The following TNFRSF11A variants were observed in gnomAD, a reference collection of about 807,000 sequenced individuals.
The protein encoded by TNFRSF11A is tumor necrosis factor receptor superfamily member 11A.
In TNFRSF11A, 32 loss-of-function variants were observed where a neutral mutation model predicts 55.7. That is an observed-to-expected ratio of 0.57 (90% CI 0.43 to 0.77). The LOEUF is 0.77. Among genes scored for constraint, TNFRSF11A ranks in the 30% least tolerant of loss-of-function variants. The probability of loss-of-function intolerance (pLI) is 0.00; values close to 1 mark genes in which losing one functional copy is unlikely to be tolerated. For synonymous variants in TNFRSF11A, 311 were observed against 331.0 expected, an observed-to-expected ratio of 0.94 and a Z score of 0.65; for missense variants, 753 against 809.8, an observed-to-expected ratio of 0.93 and a Z score of 0.85.
chr18:62,361,044 G>A (rs1909648796), intron 6 of TNFRSF11A, among the ~76,000 whole-genome samples: 1 of 152,132 alleles, frequency 6.6e-6, no homozygotes, highest in South Asian at 2.1e-4. Context: ...AGACCATTTG[G>A]CAGATAACAT....
At chr18:62,333,989 C>T (rs969541160) in intron 1 of TNFRSF11A, among the ~76,000 whole-genome samples, 1 of 152,174 alleles carries the variant, frequency 6.6e-6, no homozygotes, top group Non-Finnish European at 1.5e-5. Flanking sequence ...CCTCAGCCTC[C>T]CGAGTAGCTG....
At chr18:62,369,777 A>G (rs982485235) in intron 9 of TNFRSF11A, among the ~76,000 whole-genome samples, 3 of 152,220 alleles carry the variant, frequency 2.0e-5, no homozygotes, top group Admixed American at 6.5e-5. Flanking sequence ...TTAGACCTCA[A>G]GCCCCAGCAC....
At chr18:62,359,910 A>G (rs750313876) in intron 5 of TNFRSF11A, 45 bp from the exon 6 acceptor site, 9 of 1,556,526 alleles carry the variant, frequency 5.8e-6, no homozygotes, top group Non-Finnish European at 8.9e-7. Flanking sequence ...TTTTTAAAAA[A>G]CAAGCTTATA....
chr18:62,377,307 G>C (rs1172107289), intron 9 of TNFRSF11A, among the ~76,000 whole-genome samples: 1 of 152,222 alleles, frequency 6.6e-6, no homozygotes, highest in African/African-American at 2.4e-5. Context: ...ACTCTTGGCT[G>C]CTTCCAAGTT....
At chr18:62,356,061 T>A (rs1473540887) in intron 4 of TNFRSF11A, among the ~76,000 whole-genome samples, 1 of 152,258 alleles carries the variant, frequency 6.6e-6, no homozygotes, top group Non-Finnish European at 1.5e-5. Flanking sequence ...ATAGAAATCC[T>A]TTTGAGTTGA....
chr18:62,378,162 C>G (rs1031502445), intron 9 of TNFRSF11A: 2 of 152,246 alleles, frequency 1.3e-5, no homozygotes, highest in African/African-American at 4.8e-5. Flanking sequence ...AACAACTAAT[C>G]TGTTCTGCAA....
chr18:62,356,608 A>G (rs1486561834), intron 4 of TNFRSF11A, among the ~76,000 whole-genome samples: 2 of 152,230 alleles, frequency 1.3e-5, no homozygotes, highest in African/African-American at 2.4e-5. Context: ...CATAATTTCA[A>G]TTCAGAACAA....
chr18:62,369,154 T>C lies in TNFRSF11A; in HGVS notation c.1237T>C (p.Trp413Arg), dbSNP rs746789543. ...CACTGAGCCCCTGTGCAGGACTGAT[T>C]GGACTCCCATGTCCTCTGAAAACTA... Reference protein sequence around the residue: ...NCTEPLCRTDWTPMSSENYLQ... With the variant: ...NCTEPLCRTDRTPMSSENYLQ... The change falls in exon 9 of 10, where the codon TGG (tryptophan) becomes CGG (arginine). Residue 413 changes from tryptophan to arginine, a missense_variant. This residue lies in a region of TNFRSF11A where 567 missense variants were observed against 596.7 expected (regional missense o/e 0.95). Transcript: ENST00000586569. The C allele has an allele frequency of 1.9e-6, 3 of 1,614,016 alleles. No individual in the cohort carries two copies. Among genetic ancestry groups the C allele is most frequent in the South Asian group, 1.1e-5 (1 of 91,092 alleles).
chr18:62,380,808 T>A (rs1025510037), intron 9 of TNFRSF11A, among the ~76,000 whole-genome samples: 50 of 149,384 alleles, frequency 3.3e-4, no homozygotes, highest in Non-Finnish European at 4.8e-4. Context: ...TAATATTCTT[T>A]TTTTTTTTTT....
chr18:62,380,092 T>G (rs1282561272), intron 9 of TNFRSF11A, among the ~76,000 whole-genome samples: 1 of 152,070 alleles, frequency 6.6e-6, no homozygotes, highest in African/African-American at 2.4e-5. Flanking sequence ...TTTGCAAAAA[T>G]TAATAAGAAT....
Position 62,325,954 on chromosome 18 carries a change from G to A in TNFRSF11A, c.75+527G>A, listed in dbSNP as rs1451999684. Among the ~76,000 whole-genome samples, 1 of 152,176 alleles carries A rather than the reference G, an allele frequency of 6.6e-6. No individual in the cohort carries two copies. Among genetic ancestry groups the A allele is most frequent in the Non-Finnish European group, 1.5e-5 (1 of 68,020 alleles). On this transcript the variant is annotated intron_variant, in intron 1 of 9. Coordinates refer to ENST00000586569, the MANE Select transcript of TNFRSF11A (RefSeq NM_003839.4). The surrounding 1 kb of genome is among the most constrained non-coding windows in gnomAD (Gnocchi z 4.7). Reference sequence around the variant, plus strand: ...GGGGACACCCCTGCCAGCTCGCCTGGAGGCCCCGCACGGCGGGGAGAGACT... The same window carrying A: ...GGGGACACCCCTGCCAGCTCGCCTGAAGGCCCCGCACGGCGGGGAGAGACT...
chr18:62,343,481 C>T (rs1371896575), intron 1 of TNFRSF11A, among the ~76,000 whole-genome samples: 1 of 152,202 alleles, frequency 6.6e-6, no homozygotes, highest in African/African-American at 2.4e-5. Flanking sequence ...TGTGGCTCCA[C>T]TGGCAGAAAT....
In TNFRSF11A at chr18:62,389,666, C is replaced by CTCATGCTAGGCTAACA. The variant is rs1470828868; in HGVS notation, c.*4635_*4650dup. 6.6e-6 allele frequency: 1 copy of CTCATGCTAGGCTAACA among 152,220 alleles called. No individual in the cohort carries two copies. The highest frequency in any genetic ancestry group is 2.4e-5 in the African/African-American group (1 of 41,440). 9.4% of individuals were successfully genotyped at this position (152,220 alleles called of 1,614,324 possible). A position where few individuals can be genotyped will look rare whatever the true frequency, so the allele number is the denominator to read the frequency against. On this transcript the variant is annotated 3_prime_UTR_variant, in exon 10 of 10. Coordinates refer to ENST00000586569, the MANE Select transcript of TNFRSF11A (RefSeq NM_003839.4). ...TCCTGACCCCAGGGTGAGGTTGAAA[C>CTCATGCTAGGCTAACA]TCATGCTAGGCTAACATCTCTTTCC...
intron 4 of TNFRSF11A, among the ~76,000 whole-genome samples, chr18:62,355,114 T>C (rs1001765674): frequency 5.3e-5 from 8 of 152,222 alleles, no homozygotes; most frequent in Admixed American, 3.3e-4. Flanking sequence ...TTGGACAGTT[T>C]ACATAGTTAC....
At chr18:62,340,823 G>A (rs1167692492) in intron 1 of TNFRSF11A, among the ~76,000 whole-genome samples, 2 of 152,060 alleles carry the variant, frequency 1.3e-5, no homozygotes, top group African/African-American at 4.8e-5. Context: ...TCCCAGGTAG[G>A]GTGAACACAC....
Position 62,354,384 on chromosome 18 carries a change from C to T in TNFRSF11A, c.284-7C>T. On this transcript the variant is annotated splice_region_variant and splice_polypyrimidine_tract_variant and intron_variant, in intron 3 of 9. Transcript: ENST00000586569. ...CTGGCCACTGACCTGTCTCTTGTCT[C>T]CCGCAGGCAAGGCCCTGGTGGCCGT... 1.0e-5 allele frequency: 16 copies of T among 1,571,184 alleles called. No homozygotes were observed. The highest frequency in any genetic ancestry group is 1.3e-5 in the Non-Finnish European group (15 of 1,163,470).
At chr18:62,378,999 G>C (rs1911082540) in intron 9 of TNFRSF11A, among the ~76,000 whole-genome samples, 1 of 152,232 alleles carries the variant, frequency 6.6e-6, no homozygotes, top group African/African-American at 2.4e-5. Context: ...GCTTTCCGGT[G>C]AATCTGGATT....
At chr18:62,360,906 G>A (rs761897417) in intron 6 of TNFRSF11A, among the ~76,000 whole-genome samples, 1 of 152,110 alleles carries the variant, frequency 6.6e-6, no homozygotes, top group African/African-American at 2.4e-5. Context: ...AGAACAATAG[G>A]CCACAGAATA....
rs1911430985 is a variant in TNFRSF11A at position 62,383,339 on chromosome 18, T to G, written c.1568-1412T>G. ...TCAGGGGAAGGCTCCTCAAAGGAAT[T>G]TCCTACATGCGTATCGGTATTTTAG... On this transcript the variant is annotated intron_variant, in intron 9 of 9. Transcript: ENST00000586569. The surrounding 1 kb of genome is among the most constrained non-coding windows in gnomAD (Gnocchi z 4.2). 6.6e-6 allele frequency among the ~76,000 whole-genome samples: 1 copy of G among 152,196 alleles called. No individual in the cohort carries two copies. Among genetic ancestry groups the G allele is most frequent in the Admixed American group, 6.5e-5 (1 of 15,276 alleles).
Sources: gnomAD v4.1 joint callset for allele counts (sites outside exome capture counted in the v4.1 genomes callset) on GRCh38, gnomAD v4.1.1 for gene constraint, gnomAD v4.1.1 regional missense constraint, Gnocchi (gnomAD v3.1) non-coding constraint, MANE v1.5 for transcripts, NCBI Gene and HGNC (gene_info 2026-07-23, HGNC 2026-07-21) for gene names.